FBLN7: variants seen among roughly 807,000 people sequenced by gnomAD.
FBLN7 encodes fibulin 7.
Under a neutral mutation model 44.0 loss-of-function variants are expected in FBLN7, and 31 were observed. The observed-to-expected ratio is 0.70, with a 90% CI of 0.53 to 0.95. The LOEUF (loss-of-function observed/expected upper bound fraction) is 0.95. FBLN7 is among the 40% of genes least tolerant of loss of function. The probability of loss-of-function intolerance (pLI) is 0.00; values close to 1 mark genes in which losing one functional copy is unlikely to be tolerated. For missense variants in FBLN7, 573 were observed against 618.5 expected, an observed-to-expected ratio of 0.93 and a Z score of 0.78; for synonymous variants, 262 against 253.4, an observed-to-expected ratio of 1.03 and a Z score of -0.32.
the FBLN7 span, among the ~76,000 whole-genome samples, chr2:112,208,228 CTG>C: frequency 6.6e-6 from 1 of 152,032 alleles, no homozygotes; most frequent in Non-Finnish European, 1.5e-5. Flanking sequence ...GGTGAAACCC[CTG>C]TCTCTACTAA....
chr2:112,212,949 C>T, the FBLN7 span: 1 of 132,972 alleles, frequency 7.5e-6, no homozygotes, highest in East Asian at 2.1e-4. Context: ...TCAGCAAGCA[C>T]AACTCAGAAG....
chr2:112,236,527 GGGTCA>G, the FBLN7 span: 2 of 1,603,762 alleles, frequency 1.2e-6, no homozygotes, highest in Non-Finnish European at 1.7e-6. Context: ...AAGCATGCAG[GGGTCA>G]GGTATTCCTA....
chr2:112,218,183 C>A, the FBLN7 span, among the ~76,000 whole-genome samples: 1 of 152,204 alleles, frequency 6.6e-6, no homozygotes, highest in Non-Finnish European at 1.5e-5. Context: ...TCTTCCCATT[C>A]TCTAGGCATA....
the FBLN7 span, among the ~76,000 whole-genome samples, chr2:112,223,259 TAAAAAAAGAA>T: frequency 3.3e-5 from 5 of 151,062 alleles, no homozygotes; most frequent in Non-Finnish European, 5.9e-5. Flanking sequence ...AAGTATAATT[TAAAAAAAGAA>T]AAAAAAAGTA....
the FBLN7 span, among the ~76,000 whole-genome samples, chr2:112,206,121 G>T: frequency 6.6e-6 from 1 of 152,174 alleles, no homozygotes; most frequent in Non-Finnish European, 1.5e-5. Context: ...TTTTAGAGGA[G>T]TTGGTGTATT....
chr2:112,229,610 A>G, the FBLN7 span, among the ~76,000 whole-genome samples: 2 of 152,218 alleles, frequency 1.3e-5, no homozygotes, highest in African/African-American at 4.8e-5. Context: ...CAGATCTGCC[A>G]TATGAAACAG....
At chr2:112,168,984 C>A (rs1682310525) in intron 3 of FBLN7, among the ~76,000 whole-genome samples, 1 of 152,124 alleles carries the variant, frequency 6.6e-6, no homozygotes, top group African/African-American at 2.4e-5. Flanking sequence ...TAAAAAACAG[C>A]AGGCAGGCCA....
At chr2:112,186,893 C>A (rs547552151) in intron 7 of FBLN7, among the ~76,000 whole-genome samples, 1 of 152,144 alleles carries the variant, frequency 6.6e-6, no homozygotes, top group African/African-American at 2.4e-5. Flanking sequence ...CACATACACA[C>A]GTACACAGGT....
Position 112,138,723 on chromosome 2 carries a change from C to T in FBLN7, c.68C>T (p.Ala23Val), listed in dbSNP as rs770629452. 4.3e-6 allele frequency: 7 copies of T among 1,612,320 alleles called. No individual in the cohort carries two copies. The South Asian group carries it at 6.6e-5, about 15-fold the overall frequency. ...LLILACPEPRASQNCLSKQQL... is the reference protein window; with the variant it reads ...LLILACPEPRVSQNCLSKQQL... ...ATCCTCGCCTGCCCCGAGCCGCGGG[C>T]TTCCCAGGTCAGTGTCCCTCCCGCC... The change falls in exon 1 of 8, where the codon GCT (alanine) becomes GTT (valine). Residue 23 changes from alanine (A) to valine (V), a missense_variant. Coordinates refer to ENST00000331203, the MANE Select transcript of FBLN7 (RefSeq NM_153214.3).
intron 6 of FBLN7, among the ~76,000 whole-genome samples, chr2:112,184,568 T>C (rs185817681): frequency 5.7e-4 from 86 of 152,056 alleles, no homozygotes; most frequent in Non-Finnish European, 1.1e-3. Context: ...TATTGAGGTG[T>C]CTGCACTCGC....
the FBLN7 span, among the ~76,000 whole-genome samples, chr2:112,204,302 C>T: frequency 1.3e-5 from 2 of 150,672 alleles, no homozygotes; most frequent in Non-Finnish European, 3.0e-5. Context: ...ACTATCTGAG[C>T]CTTAGATATT....
At chr2:112,202,631 G>A in the FBLN7 span, among the ~76,000 whole-genome samples, 1 of 152,064 alleles carries the variant, frequency 6.6e-6, no homozygotes, top group Non-Finnish European at 1.5e-5. Flanking sequence ...ATTAACTGAA[G>A]GCTAGCAACA....
downstream of FBLN7, among the ~76,000 whole-genome samples, chr2:112,192,139 C>G (rs1482528501): frequency 1.3e-5 from 2 of 152,184 alleles, no homozygotes; most frequent in African/African-American, 4.8e-5. Context: ...TTTATTCGAC[C>G]AGTCACTCCT....
At chr2:112,226,775 C>T in the FBLN7 span, among the ~76,000 whole-genome samples, 4 of 151,956 alleles carry the variant, frequency 2.6e-5, no homozygotes, top group Non-Finnish European at 4.4e-5. Context: ...GAAAGCTACA[C>T]ATGAATATCC....
At chr2:112,160,769 CGCAG>C (rs1316843392) in intron 2 of FBLN7, among the ~76,000 whole-genome samples, 6 of 41,096 alleles carry the variant, frequency 1.5e-4, no homozygotes, top group African/African-American at 5.1e-4. Context: ...CGCACGCACA[CGCAG>C]ACGCACACGC....
At chr2:112,192,342 C>G (rs189871736), downstream of FBLN7, among the ~76,000 whole-genome samples, 1 of 152,270 alleles carries the variant, frequency 6.6e-6, no homozygotes, top group African/African-American at 2.4e-5. Context: ...AGTGACGCCT[C>G]CAGTTCTCAC....
chr2:112,203,261 G>A, the FBLN7 span, among the ~76,000 whole-genome samples: 1 of 152,200 alleles, frequency 6.6e-6, no homozygotes, highest in Non-Finnish European at 1.5e-5. Flanking sequence ...TTCTCAGCCA[G>A]AATATTGAAG....
At chr2:112,236,697 TA>T in the FBLN7 span, 1 of 1,600,326 alleles carries the variant, frequency 6.2e-7, no homozygotes, top group Non-Finnish European at 8.5e-7. Flanking sequence ...GTTTAGCAGC[TA>T]AAAACAAAAA....
downstream of FBLN7, among the ~76,000 whole-genome samples, chr2:112,192,429 C>T (rs1479680398): frequency 6.6e-6 from 1 of 152,178 alleles, no homozygotes; most frequent in Admixed American, 6.5e-5. Context: ...GCTAGCCCAC[C>T]TGCCTGACTT....
Sources: allele counts gnomAD v4.1 joint callset (sites outside exome capture counted in the v4.1 genomes callset), GRCh38; gene constraint gnomAD v4.1.1; transcripts MANE v1.5; gene names NCBI Gene and HGNC (gene_info 2026-07-23, HGNC 2026-07-21).